The following MAP4K3 variants were observed in gnomAD, a reference collection of about 807,000 sequenced individuals.
MAP4K3 encodes mitogen-activated protein kinase kinase kinase kinase 3.
Under a neutral mutation model 143.5 loss-of-function variants are expected in MAP4K3, and 94 were observed. That is an observed-to-expected ratio of 0.65 (90% CI 0.55 to 0.78). MAP4K3 has a LOEUF of 0.78. MAP4K3 is among the 30% of genes least tolerant of loss of function. The pLI is 0.00. For synonymous variants in MAP4K3, 416 were observed against 347.2 expected (o/e 1.20, Z -2.20); for missense variants, 1,077 against 1,068.1 (o/e 1.01, Z -0.12).
intron 1 of MAP4K3, among the ~76,000 whole-genome samples, chr2:39,396,000 G>A (rs1308068093): frequency 2.0e-5 from 3 of 152,124 alleles, no homozygotes; most frequent in African/African-American, 7.2e-5. Context: ...ATCAGGAAAA[G>A]GGGAAGGGAA....
chr2:39,272,395 C>G lies in MAP4K3; in HGVS notation c.1861G>C (p.Ala621Pro). The G allele has an allele frequency of 6.2e-7, 1 of 1,611,884 alleles. No individual in the cohort carries two copies. The highest frequency in any genetic ancestry group is 8.5e-7 in the Non-Finnish European group (1 of 1,178,408). Residue 621 changes from alanine to proline, a missense_variant, in exon 26 of 34, where the codon GCT becomes CCT. By Grantham distance (27) the Ala-to-Pro change is conservative. Coordinates refer to ENST00000263881, the MANE Select transcript of MAP4K3 (RefSeq NM_003618.4). The part of the protein sequence containing the change: ...NNCLLSISGK[A>P]SQLYSHNLPG... Reference sequence around the variant, plus strand: ...AAATTATGGGAATAAAGCTGAGAAGCTTTACCTATAAAGAAAAACAGATAT... The same window carrying G: ...AAATTATGGGAATAAAGCTGAGAAGGTTTACCTATAAAGAAAAACAGATAT...
chr2:39,297,164 C>A (rs1458309103), intron 16 of MAP4K3, among the ~76,000 whole-genome samples: 1 of 151,806 alleles, frequency 6.6e-6, no homozygotes, highest in African/African-American at 2.4e-5. Context: ...GTCGCCCAGG[C>A]TGGAGTGCAA....
intron 1 of MAP4K3, among the ~76,000 whole-genome samples, chr2:39,408,822 G>T (rs1667163059): frequency 1.3e-5 from 2 of 152,162 alleles, no homozygotes; most frequent in African/African-American, 4.8e-5. Context: ...AGCAGTGCCA[G>T]AAAGCAAAGT....
At position 39,249,689 on chromosome 2, in the gene MAP4K3, T is replaced by TA. The variant is rs2148426049; in HGVS notation, c.*928dup. 6.5e-6 allele frequency: 1 copy of TA among 152,768 alleles called. No homozygotes were observed. Among genetic ancestry groups the TA allele is most frequent in the Non-Finnish European group, 1.5e-5 (1 of 68,008 alleles). 9.5% of individuals were successfully genotyped at this position (152,768 alleles called of 1,614,324 possible). A position where few individuals can be genotyped will look rare whatever the true frequency, so the allele number is the denominator to read the frequency against. On this transcript the variant is annotated 3_prime_UTR_variant, in exon 34 of 34. Coordinates refer to ENST00000263881, the MANE Select transcript of MAP4K3 (RefSeq NM_003618.4). ...TGAACCACTTCACTCTATGGAATGT[T>TA]ACAGTTCTTCAGTGTGATCATATGA...
chr2:39,251,357 G>A (rs780131077), intron 33 of MAP4K3, among the ~76,000 whole-genome samples: 2 of 152,182 alleles, frequency 1.3e-5, no homozygotes, highest in Admixed American at 6.5e-5. Flanking sequence ...ATGTATCTAT[G>A]CCCTAAGCTT....
At chr2:39,426,274 C>G (rs1665076708) in intron 1 of MAP4K3, among the ~76,000 whole-genome samples, 1 of 152,022 alleles carries the variant, frequency 6.6e-6, no homozygotes. Flanking sequence ...GTCTAAAAGA[C>G]AAAGGCTGAA....
intron 3 of MAP4K3, among the ~76,000 whole-genome samples, chr2:39,346,625 C>A (rs948018855): frequency 2.0e-5 from 3 of 152,100 alleles, no homozygotes; most frequent in Non-Finnish European, 4.4e-5. Flanking sequence ...TGCTCCCAAC[C>A]CCCACAATCC....
In MAP4K3 at chr2:39,356,882, T is replaced by A. The variant is rs78062473; in HGVS notation, c.155-543A>T. On this transcript the variant is annotated intron_variant, in intron 2 of 33. Coordinates refer to ENST00000263881, the MANE Select transcript of MAP4K3 (RefSeq NM_003618.4). ...TTAATATAATTTTAGCACAAAGAAG[T>A]AATTCTTTTCTAAGTTAGGGCAGGA... Among the ~76,000 whole-genome samples the A allele has an allele frequency of 1.7e-3, 253 of 152,286 alleles. 6 individuals are homozygous for A. In the East Asian group the frequency reaches 0.024, roughly 14 times the overall value.
intron 27 of MAP4K3, 142 bp downstream of exon 27, chr2:39,267,047 G>A (rs1680795386): frequency 2.8e-6 from 2 of 708,092 alleles, no homozygotes; most frequent in Non-Finnish European, 2.5e-6. Context: ...AGTCTACACA[G>A]AGATGAAACA....
At chr2:39,265,451 G>C (rs771738976) in intron 27 of MAP4K3, 145 bp from the exon 28 acceptor site, 8 of 684,062 alleles carry the variant, frequency 1.2e-5, no homozygotes, top group Non-Finnish European at 2.1e-5. Flanking sequence ...TTCTTAATTA[G>C]AGGGCTGGGT....
intron 2 of MAP4K3, among the ~76,000 whole-genome samples, chr2:39,367,963 G>C (rs1190580389): frequency 1.3e-5 from 2 of 152,132 alleles, no homozygotes; most frequent in Non-Finnish European, 2.9e-5. Context: ...AGTGCAAATG[G>C]ATTGTGTCCA....
chr2:39,267,504 C>T, intron 26 of MAP4K3: 1 of 331,846 alleles, frequency 3.0e-6, no homozygotes, highest in Non-Finnish European at 5.8e-6. Flanking sequence ...AACCCCGTCT[C>T]TACTAAAAAT....
intron 3 of MAP4K3, among the ~76,000 whole-genome samples, chr2:39,344,317 T>C (rs926915333): frequency 4.6e-5 from 7 of 152,244 alleles, no homozygotes; most frequent in East Asian, 1.9e-4. Context: ...CCTGATTTTG[T>C]ACACCTCTGC....
intron 2 of MAP4K3, among the ~76,000 whole-genome samples, chr2:39,364,865 C>CAA (rs70957105): frequency 0.059 from 6,797 of 114,300 alleles, 600 homozygotes; most frequent in African/African-American, 0.2. Flanking sequence ...AACTCTGTCT[C>CAA]AAAAAAAAAA....
At chr2:39,350,727 C>G (rs999658676) in intron 3 of MAP4K3, among the ~76,000 whole-genome samples, 1 of 152,140 alleles carries the variant, frequency 6.6e-6, no homozygotes, top group Non-Finnish European at 1.5e-5. Flanking sequence ...TCCCCTCCAC[C>G]CTAGGTCCAT....
chr2:39,431,539 T>C (rs780738995), intron 1 of MAP4K3, among the ~76,000 whole-genome samples: 2 of 152,088 alleles, frequency 1.3e-5, no homozygotes, highest in Non-Finnish European at 2.9e-5. Context: ...TGCTGTTTTT[T>C]GTAGGGTGGA....
At chr2:39,399,044 TA>T (rs57189056) in intron 1 of MAP4K3, among the ~76,000 whole-genome samples, 1,415 of 116,414 alleles carry the variant, frequency 0.012, 19 homozygotes, top group East Asian at 0.038. Flanking sequence ...TCTGTCTCGT[TA>T]AAAAAAAAAA....
chr2:39,252,641 C>A (rs974121958), intron 32 of MAP4K3, among the ~76,000 whole-genome samples: 3 of 152,130 alleles, frequency 2.0e-5, no homozygotes, highest in African/African-American at 7.2e-5. Flanking sequence ...TTACTGAACA[C>A]AAAATATTAT....
At chr2:39,345,458 G>C (rs1665260636) in intron 3 of MAP4K3, among the ~76,000 whole-genome samples, 1 of 152,126 alleles carries the variant, frequency 6.6e-6, no homozygotes, top group Non-Finnish European at 1.5e-5. Flanking sequence ...TCAGCCATAG[G>C]TCACATATGG....
Sources: gnomAD v4.1 joint callset for allele counts (sites outside exome capture counted in the v4.1 genomes callset) on GRCh38, gnomAD v4.1.1 for gene constraint, MANE v1.5 for transcripts, NCBI Gene and HGNC (gene_info 2026-07-23, HGNC 2026-07-21) for gene names.